SACM1L: variants seen among roughly 807,000 people sequenced by gnomAD.
The protein encoded by SACM1L is phosphatidylinositol-3-phosphatase SAC1.
Under a neutral mutation model 89.5 loss-of-function variants are expected in SACM1L, and 32 were observed. The ratio of observed to expected loss-of-function variants is 0.36; its 90% confidence interval spans 0.27 to 0.48. The LOEUF (loss-of-function observed/expected upper bound fraction) is 0.48. SACM1L is among the 20% of genes least tolerant of loss of function. The pLI, the probability that SACM1L is intolerant of heterozygous loss-of-function variation, is 0.99. For synonymous variants in SACM1L, 213 were observed against 232.8 expected, an observed-to-expected ratio of 0.92 and a Z score of 0.77; for missense variants, 543 against 708.5, an observed-to-expected ratio of 0.77 and a Z score of 2.65.
chr3:45,733,143 G>GT (rs1559550813), intron 13 of SACM1L, among the ~76,000 whole-genome samples: 1 of 152,188 alleles, frequency 6.6e-6, no homozygotes, highest in Non-Finnish European at 1.5e-5. Flanking sequence ...GTACAAGAGT[G>GT]TAAGAAAGAA....
rs768836036 is a variant in SACM1L, at chr3:45,723,586, T to C, written c.921+43T>C. 3.4e-4 allele frequency: 373 copies of C among 1,105,246 alleles called. 1 individual carries two copies. Among genetic ancestry groups the C allele is most frequent in the Non-Finnish European group, 4.3e-4 (343 of 794,870 alleles). 68.5% of individuals were successfully genotyped at this position (1,105,246 alleles called of 1,614,324 possible). On this transcript the variant is annotated intron_variant, in intron 11 of 19. Coordinates refer to ENST00000389061, the MANE Select transcript of SACM1L (RefSeq NM_014016.5). ...CTTGGGGGGAAAAAAAAGCCTTAAC[T>C]TTTTCTTGACAGAAAATTTACTATT...
chr3:45,706,938 C>T (rs373886207), intron 4 of SACM1L, 31 bp downstream of exon 4: 43 of 1,605,494 alleles, frequency 2.7e-5, no homozygotes, highest in Admixed American at 3.4e-5. Flanking sequence ...CTAATTGCAG[C>T]GCCCAAAGAA....
chr3:45,737,563 G>T lies in SACM1L; in HGVS notation c.1240-20G>T, dbSNP rs1387205106. The T allele has an allele frequency of 1.9e-6, 3 of 1,587,924 alleles. No homozygotes were observed. Among genetic ancestry groups the T allele is most frequent in the East Asian group, 2.2e-5 (1 of 44,802 alleles). ...CTAAAATCTATTACACATAAATCTGGGTGTGGTTTTTTATTCCAGAGACTA... is the reference window on the plus strand; with the variant it reads ...CTAAAATCTATTACACATAAATCTGTGTGTGGTTTTTTATTCCAGAGACTA... On this transcript the variant is annotated intron_variant, in intron 14 of 19. Transcript: ENST00000389061.
intron 9 of SACM1L, 151 bp downstream of exon 9, chr3:45,722,236 G>GA (rs1469818769): frequency 3.4e-6 from 2 of 584,648 alleles, no homozygotes; most frequent in Non-Finnish European, 6.0e-6. Context: ...CCCAAAAAAG[G>GA]AAAATCCATT....
Position 45,692,126 on chromosome 3 carries a change from TACTGGTC to T in SACM1L, c.32+2632_32+2638del, listed in dbSNP as rs1328517879. On this transcript the variant is annotated intron_variant, in intron 1 of 19. Coordinates refer to ENST00000389061, the MANE Select transcript of SACM1L (RefSeq NM_014016.5). The stretch of plus-strand genomic sequence containing the variant: ...CTTCTTCCTCTCTGTTCTCTTTACA[TACTGGTC>T]ACATCCATGGTAGAGCCAAGAGATC... 2.0e-5 allele frequency among the ~76,000 whole-genome samples: 3 copies of T among 152,342 alleles called. No homozygotes were observed. In the East Asian group the frequency reaches 5.8e-4, roughly 29 times the overall value.
intron 11 of SACM1L, among the ~76,000 whole-genome samples, chr3:45,729,141 C>A (rs1698990477): frequency 6.6e-6 from 1 of 151,992 alleles, no homozygotes; most frequent in South Asian, 2.1e-4. Flanking sequence ...GGCTGGAGTA[C>A]AGTGGCACAA....
chr3:45,696,642 C>T (rs945542716), intron 1 of SACM1L, among the ~76,000 whole-genome samples: 1 of 151,716 alleles, frequency 6.6e-6, no homozygotes, highest in Non-Finnish European at 1.5e-5. Context: ...ATTTTCTATC[C>T]TGGGTTTGTT....
chr3:45,743,228 T>G (rs995063560), intron 19 of SACM1L, among the ~76,000 whole-genome samples: 8 of 152,222 alleles, frequency 5.3e-5, no homozygotes, highest in Admixed American at 3.3e-4. Context: ...TGAAATCATT[T>G]AGTCCAGTGG....
At chr3:45,691,717 C>T (rs1160866699) in intron 1 of SACM1L, among the ~76,000 whole-genome samples, 1 of 151,840 alleles carries the variant, frequency 6.6e-6, no homozygotes, top group South Asian at 2.1e-4. Flanking sequence ...TAGTCTCAAG[C>T]GAGCCTCCCA....
At chr3:45,699,788 C>G (rs2125683463) in intron 1 of SACM1L, among the ~76,000 whole-genome samples, 1 of 152,296 alleles carries the variant, frequency 6.6e-6, no homozygotes. Flanking sequence ...TCCTAAAGTG[C>G]TGGGATTACA....
chr3:45,703,566 G>A (rs1244553407), intron 2 of SACM1L, 31 bp downstream of exon 2: 2 of 1,432,464 alleles, frequency 1.4e-6, no homozygotes, highest in East Asian at 2.3e-5. Context: ...GAAGTTTAGG[G>A]AGAAAGATTT....
chr3:45,701,706 C>G (rs1185153990), intron 1 of SACM1L, among the ~76,000 whole-genome samples: 1 of 152,158 alleles, frequency 6.6e-6, no homozygotes, highest in Non-Finnish European at 1.5e-5. Context: ...GAAACCATTG[C>G]CAGTATTACA....
rs1344531381 is a variant in SACM1L, at chr3:45,731,379, AG to A, written c.1001+1del. ...GTCTTCCTTGGGAAGTGGAATGATG[AG>A]GTACCTCACTAGAAATCTGTTGCAG... is the stretch of plus-strand genomic sequence containing the variant. The part of the protein sequence containing the change: ...MVSSLGSGMM[R>X]YIAFDFHKEC... On this transcript the variant is annotated frameshift_variant and splice_region_variant, in exon 12 of 20. Coordinates refer to ENST00000389061, the MANE Select transcript of SACM1L (RefSeq NM_014016.5). LOFTEE classifies it high-confidence loss of function. 6.2e-7 allele frequency: 1 copy of A among 1,607,684 alleles called. No individual in the cohort carries two copies. Among genetic ancestry groups the A allele is most frequent in the Non-Finnish European group, 8.5e-7 (1 of 1,174,672 alleles).
At chr3:45,739,906 T>G in intron 19 of SACM1L, 1 of 503,864 alleles carries the variant, frequency 2.0e-6, no homozygotes, top group South Asian at 2.3e-5. Flanking sequence ...CTGAGACAGG[T>G]CTCAGTCAGT....
rs377501431 is a variant in SACM1L, at chr3:45,734,113, A to ATTTTTTTTT, written c.1101-1113_1101-1105dup. Among the ~76,000 whole-genome samples the ATTTTTTTTT allele has an allele frequency of 2.3e-5, 3 of 132,114 alleles. 1 individual carries two copies. Among genetic ancestry groups the ATTTTTTTTT allele is most frequent in the Admixed American group, 7.8e-5 (1 of 12,796 alleles). 86.7% of individuals were successfully genotyped at this position (132,114 alleles called of 152,430 possible). A position where few individuals can be genotyped will look rare whatever the true frequency, so the allele number is the denominator to read the frequency against. On this transcript the variant is annotated intron_variant, in intron 13 of 19. Coordinates refer to ENST00000389061, the MANE Select transcript of SACM1L (RefSeq NM_014016.5). ...ATTTGCATGTATTACCCATTTAAGA[A>ATTTTTTTTT]TTTTTTTTTTTTTTTTTGGCTGGGG...
intron 4 of SACM1L, 63 bp from the exon 5 acceptor site, chr3:45,709,435 C>A (rs934860838): frequency 2.1e-6 from 3 of 1,414,168 alleles, no homozygotes; most frequent in Admixed American, 4.0e-5. Context: ...AATTTGTATT[C>A]TTTTCTCATG....
intron 1 of SACM1L, among the ~76,000 whole-genome samples, chr3:45,699,677 A>G (rs1237221883): frequency 1.3e-5 from 2 of 152,066 alleles, no homozygotes; most frequent in Non-Finnish European, 2.9e-5. Context: ...ATGCGCCACC[A>G]CACCTGGCTA....
chr3:45,718,494 C>T (rs116269477), intron 7 of SACM1L, among the ~76,000 whole-genome samples: 115 of 152,174 alleles, frequency 7.6e-4, no homozygotes, highest in African/African-American at 2.5e-3. Context: ...AAATTATGAT[C>T]AAATATACCT....
At position 45,709,534 on chromosome 3, in the gene SACM1L, C is replaced by T; in HGVS notation, c.370C>T (p.His124Tyr). 6.2e-7 allele frequency: 1 copy of T among 1,613,112 alleles called. No homozygotes were observed. ...TAAAACCTTCCTAGCGATGCTAAACCATGTCTTGAATGTGGATGGATTTTA... is the reference window on the plus strand; with the variant it reads ...TAAAACCTTCCTAGCGATGCTAAACTATGTCTTGAATGTGGATGGATTTTA... ...DNKTFLAMLN[H>Y]VLNVDGFYFS... Residue 124 changes from histidine (H) to tyrosine (Y), a missense_variant, in exon 5 of 20, where the codon CAT (histidine) becomes TAT (tyrosine). This residue lies in a region of SACM1L where 173 missense variants were observed against 180.9 expected (regional missense o/e 0.96). Coordinates refer to ENST00000389061, the MANE Select transcript of SACM1L (RefSeq NM_014016.5).
Sources: gnomAD v4.1 joint callset for allele counts (sites outside exome capture counted in the v4.1 genomes callset) on GRCh38, gnomAD v4.1.1 for gene constraint, gnomAD v4.1.1 regional missense constraint, MANE v1.5 for transcripts, NCBI Gene and HGNC (gene_info 2026-07-23, HGNC 2026-07-21) for gene names.